EYS: variants seen among roughly 807,000 people sequenced by gnomAD.
EYS encodes protein eyes shut homolog.
Under a neutral mutation model 282.1 loss-of-function variants are expected in EYS, and 250 were observed. The ratio of observed to expected loss-of-function variants is 0.89; its 90% CI spans 0.80 to 0.98. The LOEUF (loss-of-function observed/expected upper bound fraction) is 0.98, where lower values mean the gene tolerates loss of function less well. Among genes scored for constraint, EYS ranks in the 50% least tolerant of loss-of-function variants. The pLI, the probability that EYS is intolerant of heterozygous loss-of-function variation, is 0.00. For missense variants in EYS, 4,016 were observed against 3,709.0 expected, an observed-to-expected ratio of 1.08 and a Z score of -2.15; for synonymous variants, 1,355 against 1,282.9, an observed-to-expected ratio of 1.06 and a Z score of -1.20.
intron 22 of EYS, among the ~76,000 whole-genome samples, chr6:64,674,729 A>AACACACACAC (rs70999158): frequency 9.5e-5 from 14 of 148,120 alleles, no homozygotes; most frequent in African/African-American, 3.5e-4. Context: ...TTCTGTCATT[A>AACACACACAC]ACACACACAC....
intron 22 of EYS, among the ~76,000 whole-genome samples, chr6:64,716,473 G>A (rs1479773107): frequency 6.6e-6 from 1 of 152,168 alleles, no homozygotes; most frequent in African/African-American, 2.4e-5. Context: ...TGCATACCAT[G>A]GTGATTCATT....
intron 30 of EYS, among the ~76,000 whole-genome samples, chr6:64,267,151 T>C (rs1436717487): frequency 1.3e-5 from 2 of 152,166 alleles, no homozygotes; most frequent in Non-Finnish European, 2.9e-5. Flanking sequence ...ACTTTTTGTA[T>C]GCTTCCATGA....
At chr6:64,804,958 T>C (rs933718249) in intron 22 of EYS, among the ~76,000 whole-genome samples, 1 of 152,096 alleles carries the variant, frequency 6.6e-6, no homozygotes, top group Non-Finnish European at 1.5e-5. Flanking sequence ...CTATGATTTC[T>C]CAATTTTCAA....
chr6:64,549,825 T>C lies in EYS; in HGVS notation c.5644+40398A>G, dbSNP rs552063543. On this transcript the variant is annotated intron_variant, in intron 26 of 42. Transcript: ENST00000503581. ...TATGTATACATGTGCCATGTTGGTG[T>C]GCTGCACCCATTAACTCGTCATTTA... Among the ~76,000 whole-genome samples, 10 of 151,834 alleles carry C rather than the reference T, an allele frequency of 6.6e-5. No individual in the cohort carries two copies. In the East Asian group the frequency reaches 1.7e-3, roughly 27 times the overall value.
At chr6:64,186,475 T>G (rs949957926) in intron 31 of EYS, among the ~76,000 whole-genome samples, 1 of 152,134 alleles carries the variant, frequency 6.6e-6, no homozygotes, top group Admixed American at 6.6e-5. Flanking sequence ...TAAGTAAGAG[T>G]ATAATTCAGC....
rs199628455 is a variant in EYS, at chr6:65,411,815, CT to C, written c.863-6449del. Among the ~76,000 whole-genome samples, 789 of 136,496 alleles carry C rather than the reference CT, an allele frequency of 5.8e-3. 10 individuals are homozygous for C. The highest frequency in any genetic ancestry group is 0.036 in the East Asian group (171 of 4,688). 89.5% of individuals were successfully genotyped at this position (136,496 alleles called of 152,430 possible). ...AAAGCTCTTATGTGCACCAATACGT[CT>C]TTTTTTTTTTTTCGGTTAATTGGTA... On this transcript the variant is annotated intron_variant, in intron 5 of 42. Transcript: ENST00000503581.
chr6:65,158,293 A>G (rs1764774742), intron 12 of EYS, among the ~76,000 whole-genome samples: 1 of 150,962 alleles, frequency 6.6e-6, no homozygotes, highest in African/African-American at 2.4e-5. Context: ...TGGTTCGACC[A>G]GGAGCTATTG....
At chr6:64,899,256 T>G (rs1361986100) in intron 18 of EYS, among the ~76,000 whole-genome samples, 1 of 152,090 alleles carries the variant, frequency 6.6e-6, no homozygotes, top group East Asian at 1.9e-4. Flanking sequence ...TAACAGTCTC[T>G]CAGACCACAG....
At chr6:64,764,637 C>T (rs1425741657) in intron 22 of EYS, among the ~76,000 whole-genome samples, 1 of 152,258 alleles carries the variant, frequency 6.6e-6, no homozygotes, top group Non-Finnish European at 1.5e-5. Flanking sequence ...CAAATTTATA[C>T]AGCAGGCTTA....
At chr6:64,212,507 A>T (rs1273138482) in intron 31 of EYS, among the ~76,000 whole-genome samples, 1 of 151,958 alleles carries the variant, frequency 6.6e-6, no homozygotes, top group Admixed American at 6.6e-5. Flanking sequence ...TACATATATG[A>T]TTTGGCTTCC....
chr6:64,848,474 G>A (rs1765781948), intron 19 of EYS, among the ~76,000 whole-genome samples: 1 of 151,950 alleles, frequency 6.6e-6, no homozygotes, highest in African/African-American at 2.4e-5. Flanking sequence ...GGCACTTCTG[G>A]GGAAGTTTTC....
chr6:63,955,465 C>T (rs528059815), intron 35 of EYS, among the ~76,000 whole-genome samples: 26 of 152,226 alleles, frequency 1.7e-4, no homozygotes, highest in African/African-American at 6.3e-4. Context: ...TATATTCACT[C>T]TTATTCTCGT....
rs566096423 is a variant in EYS, at chr6:64,007,321, C to T, written c.6726-8138G>A. Among the ~76,000 whole-genome samples, 219 of 148,350 alleles carry T rather than the reference C, an allele frequency of 1.5e-3. 1 individual carries two copies. Among genetic ancestry groups the T allele is most frequent in the African/African-American group, 5.2e-3 (209 of 40,522 alleles). ...GTAGTCTCTGAGGTTTTTTGTTTTT[C>T]TGTGGGGTTGGTGGTAATGTCCCCT... On this transcript the variant is annotated intron_variant, in intron 33 of 42. Transcript: ENST00000503581.
chr6:64,759,545 GCT>G (rs1214793087), intron 22 of EYS, among the ~76,000 whole-genome samples: 2 of 151,968 alleles, frequency 1.3e-5, no homozygotes, highest in Non-Finnish European at 2.9e-5. Context: ...TTACACTTAT[GCT>G]CTTAGTTCAA....
intron 1 of EYS, among the ~76,000 whole-genome samples, chr6:65,674,309 G>T (rs569808215): frequency 2.0e-5 from 3 of 151,778 alleles, no homozygotes; most frequent in South Asian, 4.2e-4. Context: ...TAAACTCAAA[G>T]AAGACAACAA....
chr6:63,762,625 C>T lies in EYS; in HGVS notation c.7907G>A (p.Cys2636Tyr). ...IESGTSVYCN[C>Y]TTGWKGSFCT... The stretch of plus-strand genomic sequence containing the variant: ...GAATGATCCTTTCCACCCAGTGGTA[C>T]AATTGCAGCTGTGGGTTGAGAGAAA... The change falls in exon 41 of 43, where the codon TGT becomes TAT. Residue 2636 changes from cysteine (C) to tyrosine (Y), a missense_variant. Physicochemically the swap from Cys to Tyr is radical, Grantham distance 194 (BLOSUM62 -2). Transcript: ENST00000503581. 6.5e-7 allele frequency: 1 copy of T among 1,549,692 alleles called. No individual in the cohort carries two copies. Among genetic ancestry groups the T allele is most frequent in the Non-Finnish European group, 8.7e-7 (1 of 1,145,822 alleles).
chr6:65,287,380 A>T (rs1289498465), intron 12 of EYS, among the ~76,000 whole-genome samples: 1 of 151,476 alleles, frequency 6.6e-6, no homozygotes, highest in Non-Finnish European at 1.5e-5. Flanking sequence ...TGGTTATTTT[A>T]TAACACTTTA....
intron 22 of EYS, among the ~76,000 whole-genome samples, chr6:64,787,673 T>C (rs1040321119): frequency 3.3e-5 from 5 of 150,156 alleles, no homozygotes; most frequent in Non-Finnish European, 7.4e-5. Flanking sequence ...GAATCAGATG[T>C]AAACTAATAA....
chr6:65,446,241 C>A (rs961883877), intron 5 of EYS, among the ~76,000 whole-genome samples: 29 of 151,492 alleles, frequency 1.9e-4, no homozygotes, highest in Non-Finnish European at 7.4e-5. Flanking sequence ...TTAGAAAAAA[C>A]AATAAAATGT....
Sources: gnomAD v4.1 joint callset for allele counts (sites outside exome capture counted in the v4.1 genomes callset) on GRCh38, gnomAD v4.1.1 for gene constraint, MANE v1.5 for transcripts, NCBI Gene and HGNC (gene_info 2026-07-23, HGNC 2026-07-21) for gene names.